YPEL5: variants seen among roughly 807,000 people sequenced by gnomAD.
The protein encoded by YPEL5 is protein yippee-like 5.
YPEL5 carries 1 observed loss-of-function variant against 10.5 expected under a neutral mutation model. The ratio of observed to expected loss-of-function variants is 0.10; its 90% CI spans 0.03 to 0.45. YPEL5 has a LOEUF of 0.45. Among genes scored for constraint, YPEL5 ranks in the 20% least tolerant of loss-of-function variants. The probability of loss-of-function intolerance (pLI) is 0.97; values close to 1 mark genes in which losing one functional copy is unlikely to be tolerated. For missense variants in YPEL5, 68 were observed against 159.3 expected (o/e 0.43, Z 3.09); for synonymous variants, 61 against 56.6 (o/e 1.08, Z -0.35).
At chr2:30,155,256 T>C (rs1675992751) in intron 1 of YPEL5, among the ~76,000 whole-genome samples, 1 of 152,248 alleles carries the variant, frequency 6.6e-6, no homozygotes, top group Non-Finnish European at 1.5e-5. Flanking sequence ...ATTCACCATT[T>C]GTTTTTTATT....
chr2:30,156,554 T>C, intron 1 of YPEL5, 74 bp from the exon 2 acceptor site: 1 of 1,396,318 alleles, frequency 7.2e-7, no homozygotes, highest in South Asian at 1.3e-5. Flanking sequence ...CAAATTGTTC[T>C]CTATGACACC....
chr2:30,152,821 A>G (rs531262098), intron 1 of YPEL5, among the ~76,000 whole-genome samples: 1 of 151,248 alleles, frequency 6.6e-6, no homozygotes, highest in African/African-American at 2.4e-5. Context: ...TCAATATGTT[A>G]TTCAGGTCCA....
rs577919162 is a variant in YPEL5, at chr2:30,155,673, T to A, written c.-24-955T>A. On this transcript the variant is annotated intron_variant, in intron 1 of 2. Coordinates refer to ENST00000261353, the MANE Select transcript of YPEL5 (RefSeq NM_016061.3). ...ATTTAAGAACTTGCATATAGTAACT[T>A]CCCTAACTTTTGAATGTTATAAAGT... 2.5e-4 allele frequency: 38 copies of A among 152,342 alleles called. No individual in the cohort carries two copies. The East Asian group carries it at 6.6e-3, about 26-fold the overall frequency. 9.4% of individuals were successfully genotyped at this position (152,342 alleles called of 1,614,324 possible).
chr2:30,149,563 A>G (rs545272900), intron 1 of YPEL5, among the ~76,000 whole-genome samples: 1 of 152,378 alleles, frequency 6.6e-6, no homozygotes, highest in South Asian at 2.1e-4. Context: ...TGATTATTAT[A>G]GTAATCAACC....
Position 30,160,515 on chromosome 2 carries a change from A to C in YPEL5, c.*1672A>C, listed in dbSNP as rs1456530806. 6.6e-6 allele frequency: 1 copy of C among 152,202 alleles called. No individual in the cohort carries two copies. Among genetic ancestry groups the C allele is most frequent in the Non-Finnish European group, 1.5e-5 (1 of 68,034 alleles). The allele number at this position is 152,202 out of a possible 1,614,324, so 9.4% of individuals were successfully genotyped here. On this transcript the variant is annotated 3_prime_UTR_variant, in exon 3 of 3. Coordinates refer to ENST00000261353, the MANE Select transcript of YPEL5 (RefSeq NM_016061.3). Reference sequence around the variant, plus strand: ...ACTATGTGCATTTGCTGTCACAATAAAGTATATTTTGTCTTGCATTGATGC... The same window carrying C: ...ACTATGTGCATTTGCTGTCACAATACAGTATATTTTGTCTTGCATTGATGC...
At chr2:30,147,972 C>T (rs1260122621) in intron 1 of YPEL5, 2 of 152,054 alleles carry the variant, frequency 1.3e-5, no homozygotes, top group Non-Finnish European at 2.9e-5. Context: ...CCGGGTGAGC[C>T]CACCCGGGGG....
At position 30,155,013 on chromosome 2, in the gene YPEL5, A is replaced by C. The variant is rs564143089; in HGVS notation, c.-24-1615A>C. On this transcript the variant is annotated intron_variant, in intron 1 of 2. Coordinates refer to ENST00000261353, the MANE Select transcript of YPEL5 (RefSeq NM_016061.3). ...CTCAGACTCACAAAGTGCTGGGATT[A>C]CAGGTGTGAGCCACCGCACCTGGCC... 2.0e-5 allele frequency among the ~76,000 whole-genome samples: 3 copies of C among 152,280 alleles called. No homozygotes were observed. The East Asian group carries it at 5.8e-4, about 29-fold the overall frequency.
At chr2:30,155,234 C>T (rs1201860365) in intron 1 of YPEL5, among the ~76,000 whole-genome samples, 2 of 152,196 alleles carry the variant, frequency 1.3e-5, no homozygotes, top group South Asian at 2.1e-4. Flanking sequence ...ACTAGCTGCA[C>T]ATTGTCATTA....
intron 1 of YPEL5, among the ~76,000 whole-genome samples, chr2:30,152,700 G>T (rs939039985): frequency 1.3e-5 from 2 of 152,146 alleles, no homozygotes; most frequent in Non-Finnish European, 2.9e-5. Context: ...TAAAAGTGAG[G>T]TGATAAATAC....
Position 30,159,620 on chromosome 2 carries a change from A to T in YPEL5, c.*777A>T, listed in dbSNP as rs986711930. The T allele has an allele frequency of 6.6e-6, 1 of 152,528 alleles. No homozygotes were observed. Among genetic ancestry groups the T allele is most frequent in the Non-Finnish European group, 1.5e-5 (1 of 68,038 alleles). 9.4% of individuals were successfully genotyped at this position (152,528 alleles called of 1,614,324 possible). ...GGAGAGTATTTGATAAGCAATTTTC[A>T]TAGTAGTAAAGTTTTTTTTCATCTC... is the stretch of plus-strand genomic sequence containing the variant. On this transcript the variant is annotated 3_prime_UTR_variant, in exon 3 of 3. Transcript: ENST00000261353.
intron 2 of YPEL5, among the ~76,000 whole-genome samples, chr2:30,157,429 C>CAT (rs1372305183): frequency 1.3e-5 from 2 of 152,142 alleles, no homozygotes; most frequent in Non-Finnish European, 2.9e-5. Context: ...CTGGTTTATC[C>CAT]ATATAGGGAG....
In YPEL5 at chr2:30,158,859, T is replaced by TC. The variant is rs1404943457; in HGVS notation, c.*18dup. The TC allele has an allele frequency of 1.2e-6, 2 of 1,611,588 alleles. No homozygotes were observed. Among genetic ancestry groups the TC allele is most frequent in the Non-Finnish European group, 1.7e-6 (2 of 1,177,990 alleles). On this transcript the variant is annotated 3_prime_UTR_variant, in exon 3 of 3. Coordinates refer to ENST00000261353, the MANE Select transcript of YPEL5 (RefSeq NM_016061.3). ...TAACTCTTGAAGATACAGAGAGAAA[T>TC]CCATCTTTTCCCAGGTCTCCTTCAC...
chr2:30,152,890 GT>G (rs373848986), intron 1 of YPEL5, among the ~76,000 whole-genome samples: 4,836 of 121,426 alleles, frequency 0.04, 39 homozygotes, highest in African/African-American at 0.091. Context: ...ACTGTCCTTT[GT>G]TTTTTTTTTT....
chr2:30,147,994 G>C (rs1470336698), intron 1 of YPEL5: 2 of 152,040 alleles, frequency 1.3e-5, no homozygotes, highest in East Asian at 1.9e-4. Context: ...CGCCCGGGCC[G>C]GCCCAGCTCC....
chr2:30,147,367 C>A (rs561345406), intron 1 of YPEL5: 1 of 148,548 alleles, frequency 6.7e-6, no homozygotes, highest in South Asian at 2.1e-4. Context: ...ACAGCCGCAA[C>A]CCCTCCGCGC....
rs1676156223 is a variant in YPEL5 at position 30,158,869 on chromosome 2, C to T, written c.*26C>T. 5 of 1,609,524 alleles carry T rather than the reference C, an allele frequency of 3.1e-6. No individual in the cohort carries two copies. The highest frequency in any genetic ancestry group is 1.3e-5 in the African/African-American group (1 of 74,812). On this transcript the variant is annotated 3_prime_UTR_variant, in exon 3 of 3. Coordinates refer to ENST00000261353, the MANE Select transcript of YPEL5 (RefSeq NM_016061.3). ...AGATACAGAGAGAAATCCATCTTTT[C>T]CCAGGTCTCCTTCACTGAAAACAAA...
chr2:30,156,471 T>C (rs1020763256), intron 1 of YPEL5, 157 bp from the exon 2 acceptor site: 7 of 656,682 alleles, frequency 1.1e-5, no homozygotes, highest in Non-Finnish European at 1.8e-5. Flanking sequence ...GTGTGAACTT[T>C]GGATCTTTTT....
At chr2:30,151,468 G>A (rs1055793231) in intron 1 of YPEL5, among the ~76,000 whole-genome samples, 2 of 152,134 alleles carry the variant, frequency 1.3e-5, no homozygotes, top group African/African-American at 2.4e-5. Flanking sequence ...ACTAAAGTAC[G>A]ATCTATGAAA....
At chr2:30,157,333 G>A (rs978921128) in intron 2 of YPEL5, among the ~76,000 whole-genome samples, 22 of 151,824 alleles carry the variant, frequency 1.4e-4, no homozygotes, top group Non-Finnish European at 3.1e-4. Flanking sequence ...CTCAGGAAAT[G>A]TTCAGTGTAA....
Sources: gnomAD v4.1 joint callset for allele counts (sites outside exome capture counted in the v4.1 genomes callset) on GRCh38, gnomAD v4.1.1 for gene constraint, MANE v1.5 for transcripts, NCBI Gene and HGNC (gene_info 2026-07-23, HGNC 2026-07-21) for gene names.